Variants in TMC5 observed in about 807,000 individuals in gnomAD.
The protein encoded by TMC5 is transmembrane channel like 5.
In TMC5, 86 loss-of-function variants were observed where a neutral mutation model predicts 110.5. The observed-to-expected ratio is 0.78, with a 90% CI of 0.65 to 0.93. The LOEUF is 0.93. Among genes scored for constraint, TMC5 ranks in the 40% least tolerant of loss-of-function variants. The pLI is 0.00. For missense variants in TMC5, 1,144 were observed against 1,222.8 expected (o/e 0.94, Z 0.96); for synonymous variants, 455 against 439.5 (o/e 1.04, Z -0.44).
chr16:19,483,186 C>G (rs1968658537), intron 15 of TMC5, among the ~76,000 whole-genome samples: 1 of 152,152 alleles, frequency 6.6e-6, no homozygotes, highest in Admixed American at 6.6e-5. Context: ...GAGACAGGGT[C>G]TCACTCTGTT....
intron 8 of TMC5, among the ~76,000 whole-genome samples, chr16:19,465,055 CTTTT>C (rs1567314674): frequency 1.0e-5 from 1 of 97,144 alleles, no homozygotes; most frequent in African/African-American, 6.0e-5. Flanking sequence ...TTCTTTCTTT[CTTTT>C]CCTTCCTTCC....
At chr16:19,465,858 A>G (rs1359671274) in intron 8 of TMC5, among the ~76,000 whole-genome samples, 1 of 152,188 alleles carries the variant, frequency 6.6e-6, no homozygotes, top group Non-Finnish European at 1.5e-5. Flanking sequence ...CCAGGTGGTA[A>G]CAGCTCAATG....
rs1967453516 is a variant in TMC5, at chr16:19,440,272, G to A, written c.234G>A (p.Leu78=). Residue 78 remains leucine (L), a synonymous_variant, in exon 3 of 22, where the codon CTG becomes CTA. Transcript: ENST00000542583. The stretch of plus-strand genomic sequence containing the variant: ...CAGAACCAAATTATCCTAGATCTCT[G>A]AGTAATCCAGACTATTCTGGCACCA... ...SLAEPNYPRS[L]SNPDYSGTRS... is the part of the protein sequence containing the mutation. 1 of 1,614,086 alleles carries A rather than the reference G, an allele frequency of 6.2e-7. No individual in the cohort carries two copies. The highest frequency in any genetic ancestry group is 8.5e-7 in the Non-Finnish European group (1 of 1,180,008).
intron 9 of TMC5, 114 bp from the exon 10 acceptor site, chr16:19,469,567 T>A: frequency 7.6e-7 from 1 of 1,324,122 alleles, no homozygotes; most frequent in Non-Finnish European, 1.1e-6. Flanking sequence ...AGCTTGGGGC[T>A]AAGTCTTCAC....
Position 19,485,318 on chromosome 16 carries a change from T to G in TMC5, c.2364-1627T>G, listed in dbSNP as rs569399042. Among the ~76,000 whole-genome samples the G allele has an allele frequency of 2.2e-4, 33 of 152,290 alleles. 1 individual carries two copies. The South Asian group carries it at 6.2e-3, about 29-fold the overall frequency. ...AAGGTTTAGAGAGAGTTTAAGTAACTTGCCCAACGGCATCCTAGTTGAAAT... is the reference window on the plus strand; with the variant it reads ...AAGGTTTAGAGAGAGTTTAAGTAACGTGCCCAACGGCATCCTAGTTGAAAT... On this transcript the variant is annotated intron_variant, in intron 15 of 21. Transcript: ENST00000542583.
chr16:19,419,596 G>T (rs7196546), intron 1 of TMC5, among the ~76,000 whole-genome samples: 127,063 of 151,450 alleles, frequency 0.84, 53,586 homozygotes, highest in African/African-American at 0.93. Flanking sequence ...GTATTTTTAG[G>T]AGAGACGGGG....
At chr16:19,460,510 A>G (rs1445566988) in intron 6 of TMC5, among the ~76,000 whole-genome samples, 176 bp downstream of exon 6, 1 of 152,178 alleles carries the variant, frequency 6.6e-6, no homozygotes, top group African/African-American at 2.4e-5. Context: ...GCTACAGCTT[A>G]ATTCCTGCTC....
At chr16:19,494,116 C>A (rs144705987) in intron 19 of TMC5, 146 bp from the exon 20 acceptor site, 5 of 646,312 alleles carry the variant, frequency 7.7e-6, no homozygotes, top group Non-Finnish European at 1.4e-5. Flanking sequence ...TTTTCTTTCA[C>A]CAAAAGATGG....
chr16:19,448,855 A>ATTATTTTCTTTTTTTTT (rs1555482055), intron 4 of TMC5, among the ~76,000 whole-genome samples: 1 of 140,808 alleles, frequency 7.1e-6, no homozygotes, highest in Non-Finnish European at 1.5e-5. Flanking sequence ...GTTTATATGT[A>ATTATTTTCTTTTTTTTT]TTTTTTTCTT....
At chr16:19,426,892 C>T (rs944433578) in intron 1 of TMC5, among the ~76,000 whole-genome samples, 6 of 152,046 alleles carry the variant, frequency 3.9e-5, no homozygotes, top group African/African-American at 1.2e-4. Flanking sequence ...TTGGGAAACC[C>T]GATAAAAAGC....
chr16:19,440,463 G>A lies in TMC5; in HGVS notation c.425G>A (p.Ser142Asn). 1 of 1,614,078 alleles carries A rather than the reference G, an allele frequency of 6.2e-7. No individual in the cohort carries two copies. The highest frequency in any genetic ancestry group is 2.2e-5 in the East Asian group (1 of 44,872). The stretch of plus-strand genomic sequence containing the variant: ...AATCCTGATTTTGCAGGCTCCAGCA[G>A]CAGTGGAAACTATGCAGGCTCCAGA... ...QRNPDFAGSS[S>N]SGNYAGSRTH... Residue 142 changes from serine to asparagine, a missense_variant, in exon 3 of 22, where the codon AGC becomes AAC. Physicochemically the swap from Ser to Asn is conservative, Grantham distance 46. Coordinates refer to ENST00000542583, the MANE Select transcript of TMC5 (RefSeq NM_001261841.2).
chr16:19,474,537 G>T (rs1451205876), intron 12 of TMC5, among the ~76,000 whole-genome samples: 1 of 152,062 alleles, frequency 6.6e-6, no homozygotes, highest in Non-Finnish European at 1.5e-5. Flanking sequence ...AAAGCTGGAT[G>T]CAGTGGCATG....
At position 19,435,584 on chromosome 16, in the gene TMC5, T is replaced by TAC. The variant is rs143806601; in HGVS notation, c.-79-4356_-79-4355dup. ...GTGTGCAACCTGATGGATTTTTACA[T>TAC]ACACACACACACACACACACATGCC... On this transcript the variant is annotated intron_variant, in intron 2 of 21. Transcript: ENST00000542583. Among the ~76,000 whole-genome samples the TAC allele has an allele frequency of 5.1e-4, 52 of 102,652 alleles. 1 individual carries two copies. Among genetic ancestry groups the TAC allele is most frequent in the African/African-American group, 9.5e-4 (26 of 27,466 alleles). 67.3% of individuals were successfully genotyped at this position (102,652 alleles called of 152,430 possible).
In TMC5 at chr16:19,494,285, G is replaced by A; in HGVS notation, c.2850G>A (p.Leu950=). 1 of 1,612,636 alleles carries A rather than the reference G, an allele frequency of 6.2e-7. No homozygotes were observed. Among genetic ancestry groups the A allele is most frequent in the Non-Finnish European group, 8.5e-7 (1 of 1,179,354 alleles). The change falls in exon 20 of 22, where the codon CTG becomes CTA. Residue 950 remains leucine (L), a synonymous_variant. Transcript: ENST00000542583. ...IINEGKDKMF[L]IEKLIKLQDM... The stretch of plus-strand genomic sequence containing the variant: ...AGGAGGGCAAAGATAAAATGTTCCT[G>A]ATAGAAAAATTGATCAAGCTGCAGG...
chr16:19,477,478 G>A lies in TMC5; in HGVS notation c.2129G>A (p.Cys710Tyr). 1 of 1,612,940 alleles carries A rather than the reference G, an allele frequency of 6.2e-7. No individual in the cohort carries two copies. The highest frequency in any genetic ancestry group is 8.5e-7 in the Non-Finnish European group (1 of 1,179,438). ...AAAATATCAATCATTGGCATTCTTT[G>A]TTACTATTGGCTCAACACCGTGGCC... ...FLKISIIGILCYYWLNTVALS... is the reference protein window; with the variant it reads ...FLKISIIGILYYYWLNTVALS... The change falls in exon 13 of 22, where the codon TGT (cysteine) becomes TAT (tyrosine). Residue 710 changes from cysteine to tyrosine, a missense_variant. Physicochemically the swap from Cys to Tyr is radical, Grantham distance 194. Transcript: ENST00000542583.
intron 9 of TMC5, among the ~76,000 whole-genome samples, chr16:19,467,634 A>T (rs1157503903): frequency 6.6e-6 from 1 of 152,042 alleles, no homozygotes; most frequent in Admixed American, 6.6e-5. Context: ...GGTATGTGCC[A>T]CCACGTCCGA....
At chr16:19,450,144 T>C (rs113341924) in intron 5 of TMC5, among the ~76,000 whole-genome samples, 4 of 152,204 alleles carry the variant, frequency 2.6e-5, no homozygotes, top group African/African-American at 9.7e-5. Context: ...AATGGAGTTT[T>C]CTTTTAGATG....
chr16:19,449,423 A>G, intron 4 of TMC5, 119 bp from the exon 5 acceptor site: 1 of 814,358 alleles, frequency 1.2e-6, no homozygotes, highest in Non-Finnish European at 2.1e-6. Flanking sequence ...AACCTCAAAG[A>G]CCAGGTCTCA....
In TMC5 at chr16:19,449,558, A is replaced by T. The variant is rs746961360; in HGVS notation, c.975A>T (p.Val325=). 1.8e-5 allele frequency: 29 copies of T among 1,613,990 alleles called. No homozygotes were observed. In the African/African-American group the frequency reaches 3.9e-4, roughly 22 times the overall value. The change falls in exon 5 of 22, where the codon GTA becomes GTT. Residue 325 remains valine, a synonymous_variant. Transcript: ENST00000542583. ...TCCCTCCAGTGAACCCTGCTTATGT[A>T]GGTGAAAGTGGTCCTGTCCATGCTT... ...PGSGYVNPAY[V]GESGPVHAYG...
Sources: gnomAD v4.1 joint callset for allele counts (sites outside exome capture counted in the v4.1 genomes callset) on GRCh38, gnomAD v4.1.1 for gene constraint, MANE v1.5 for transcripts, NCBI Gene and HGNC (gene_info 2026-07-23, HGNC 2026-07-21) for gene names.